LRBA: variants seen among roughly 807,000 people sequenced by gnomAD.
LRBA encodes lipopolysaccharide-responsive and beige-like anchor protein.
A neutral mutation model predicts 330.0 loss-of-function variants in LRBA; 176 were observed. The observed-to-expected ratio is 0.53, with a 90% CI of 0.47 to 0.60. LRBA has a LOEUF of 0.60. LRBA is among the 20% of genes least tolerant of loss of function. The pLI, the probability that LRBA is intolerant of heterozygous loss-of-function variation, is 0.00. For synonymous variants in LRBA, 1,230 were observed against 1,193.0 expected (o/e 1.03, Z -0.64); for missense variants, 3,259 against 3,444.8 (o/e 0.95, Z 1.35).
At chr4:150,577,892 A>T (rs1770746257) in intron 40 of LRBA, among the ~76,000 whole-genome samples, 1 of 152,206 alleles carries the variant, frequency 6.6e-6, no homozygotes, top group African/African-American at 2.4e-5. Flanking sequence ...CAGATTACAG[A>T]AGCACTGACT....
chr4:150,575,936 T>A (rs1000161690), intron 40 of LRBA, among the ~76,000 whole-genome samples: 1 of 151,890 alleles, frequency 6.6e-6, no homozygotes, highest in Admixed American at 6.6e-5. Context: ...GGTTTTTCTG[T>A]CTACCTTCTG....
chr4:150,896,858 A>C (rs759140052), intron 15 of LRBA, among the ~76,000 whole-genome samples: 2 of 152,012 alleles, frequency 1.3e-5, no homozygotes, highest in Non-Finnish European at 2.9e-5. Context: ...TATCAAGTTA[A>C]AATGTCAAGT....
At chr4:150,887,752 G>A (rs1729092402) in intron 17 of LRBA, among the ~76,000 whole-genome samples, 1 of 117,682 alleles carries the variant, frequency 8.5e-6, no homozygotes, top group Admixed American at 1.2e-4. Flanking sequence ...CTGGGCAACA[G>A]AGCACGACTC....
chr4:150,563,529 G>T (rs1248510631), intron 40 of LRBA, among the ~76,000 whole-genome samples: 1 of 152,130 alleles, frequency 6.6e-6, no homozygotes, highest in African/African-American at 2.4e-5. Context: ...CAAAGTTCTG[G>T]CCAGGGCAAT....
chr4:150,724,263 C>G (rs1365268007), intron 36 of LRBA, among the ~76,000 whole-genome samples: 1 of 152,052 alleles, frequency 6.6e-6, no homozygotes, highest in Non-Finnish European at 1.5e-5. Flanking sequence ...GGTGGCTCAG[C>G]AAAGAGAGAC....
At chr4:150,647,452 G>A (rs1337537093) in intron 37 of LRBA, among the ~76,000 whole-genome samples, 2 of 137,358 alleles carry the variant, frequency 1.5e-5, no homozygotes, top group African/African-American at 5.3e-5. Context: ...TCAACCTCCT[G>A]GGCTCAAATA....
intron 22 of LRBA, among the ~76,000 whole-genome samples, chr4:150,863,390 G>C (rs1216464359): frequency 6.6e-6 from 1 of 151,722 alleles, no homozygotes; most frequent in Non-Finnish European, 1.5e-5. Context: ...AGCCAGTCCC[G>C]GTGGCTCACC....
At chr4:150,533,668 G>A (rs1286106091) in intron 40 of LRBA, among the ~76,000 whole-genome samples, 8 of 152,068 alleles carry the variant, frequency 5.3e-5, no homozygotes, top group African/African-American at 1.9e-4. Context: ...GTAGCATGAC[G>A]TTGTTGAGCT....
chr4:150,302,837 A>G (rs1483166556), intron 52 of LRBA, 45 bp from the exon 53 acceptor site: 4 of 1,447,846 alleles, frequency 2.8e-6, no homozygotes, highest in Non-Finnish European at 3.7e-6. Flanking sequence ...TTAAAAAAAT[A>G]AAAATTCTAG....
intron 47 of LRBA, among the ~76,000 whole-genome samples, chr4:150,401,964 G>C (rs1258526444): frequency 6.6e-6 from 1 of 151,622 alleles, no homozygotes; most frequent in Non-Finnish European, 1.5e-5. Flanking sequence ...AAGAGGGAGG[G>C]AAAAAGGTTA....
At chr4:150,644,042 ATTTT>A (rs1778916693) in intron 37 of LRBA, among the ~76,000 whole-genome samples, 1 of 151,894 alleles carries the variant, frequency 6.6e-6, no homozygotes, top group African/African-American at 2.4e-5. Context: ...ACCACATTTT[ATTTT>A]TATTTTCTTA....
At chr4:150,335,435 A>G (rs1413929086) in intron 48 of LRBA, among the ~76,000 whole-genome samples, 1 of 149,152 alleles carries the variant, frequency 6.7e-6, no homozygotes, top group Non-Finnish European at 1.5e-5. Context: ...ATATACATAT[A>G]TATATACACG....
At chr4:150,646,866 T>C (rs1296659707) in intron 37 of LRBA, among the ~76,000 whole-genome samples, 1 of 152,052 alleles carries the variant, frequency 6.6e-6, no homozygotes, top group Non-Finnish European at 1.5e-5. Context: ...GGATTAGGAA[T>C]GTTTGAGCGG....
chr4:150,743,852 C>G (rs1732337409), intron 35 of LRBA, among the ~76,000 whole-genome samples: 2 of 152,134 alleles, frequency 1.3e-5, no homozygotes, highest in Non-Finnish European at 2.9e-5. Flanking sequence ...AATCAATAAT[C>G]AAAAGAAAGG....
intron 37 of LRBA, among the ~76,000 whole-genome samples, chr4:150,650,118 A>C (rs1428924377): frequency 6.6e-6 from 1 of 152,188 alleles, no homozygotes; most frequent in Non-Finnish European, 1.5e-5. Context: ...GGTGAGGTTA[A>C]GTGACTCGTT....
intron 33 of LRBA, among the ~76,000 whole-genome samples, chr4:150,805,114 G>GT (rs1304678944): frequency 6.6e-6 from 1 of 150,754 alleles, no homozygotes; most frequent in East Asian, 1.9e-4. Context: ...ACTTGGTTAA[G>GT]TCACTCTCTC....
intron 30 of LRBA, among the ~76,000 whole-genome samples, chr4:150,818,912 G>C (rs551098457): frequency 1.3e-5 from 2 of 152,078 alleles, no homozygotes; most frequent in South Asian, 4.2e-4. Flanking sequence ...CCACTTCTAG[G>C]AATTTCCTCA....
chr4:150,839,330 G>A (rs964881583), intron 28 of LRBA, among the ~76,000 whole-genome samples: 27 of 152,312 alleles, frequency 1.8e-4, no homozygotes, highest in Middle Eastern at 3.4e-3. Context: ...ACAGTGTGGC[G>A]ATTCCTCAGG....
intron 48 of LRBA, among the ~76,000 whole-genome samples, chr4:150,342,595 G>C (rs1735740305): frequency 6.6e-6 from 1 of 152,092 alleles, no homozygotes; most frequent in African/African-American, 2.4e-5. Context: ...CTGTTTCTCT[G>C]ATTACTCTTC....
Sources: allele counts gnomAD v4.1 joint callset (sites outside exome capture counted in the v4.1 genomes callset), GRCh38; gene constraint gnomAD v4.1.1; transcripts MANE v1.5; gene names NCBI Gene and HGNC (gene_info 2026-07-23, HGNC 2026-07-21).